KIF15: variants seen among roughly 807,000 people sequenced by gnomAD.
The protein encoded by KIF15 is kinesin-like protein KIF15.
In KIF15, 140 loss-of-function variants were observed where a neutral mutation model predicts 190.6. That is an observed-to-expected ratio of 0.73 (90% CI 0.64 to 0.84). The LOEUF (loss-of-function observed/expected upper bound fraction) is 0.84. Among genes scored for constraint, KIF15 ranks in the 40% least tolerant of loss-of-function variants. The pLI, the probability that KIF15 is intolerant of heterozygous loss-of-function variation, is 0.00. For missense variants in KIF15, 1,372 were observed against 1,584.4 expected (o/e 0.87, Z 2.28); for synonymous variants, 528 against 551.3 (o/e 0.96, Z 0.59).
At position 44,852,743 on chromosome 3, in the gene KIF15, G is replaced by T. The variant is rs775982989; in HGVS notation, c.*8G>T. ...AAAAGAAGTGAATCTTGAGGATTCC[G>T]GTCAGCTACCTAGGCATCACCTTGT... On this transcript the variant is annotated 3_prime_UTR_variant, in exon 35 of 35. Transcript: ENST00000326047. 1 of 1,589,972 alleles carries T rather than the reference G, an allele frequency of 6.3e-7. No homozygotes were observed. The highest frequency in any genetic ancestry group is 1.8e-5 in the Admixed American group (1 of 55,330).
chr3:44,852,719 A>C lies in KIF15; in HGVS notation c.4151A>C (p.Lys1384Thr). Reference sequence around the variant, plus strand: ...GAAAATGTATTTTTAAAAGAAAAGAAAAGAAGTGAATCTTGAGGATTCCGG... The same window carrying C: ...GAAAATGTATTTTTAAAAGAAAAGACAAGAAGTGAATCTTGAGGATTCCGG... ...RAENVFLKEK[K>T]RSES The change falls in exon 35 of 35, where the codon AAA becomes ACA. Residue 1384 changes from lysine to threonine, a missense_variant. By Grantham distance (78) the Lys-to-Thr change is moderately conservative. Coordinates refer to ENST00000326047, the MANE Select transcript of KIF15 (RefSeq NM_020242.3). The C allele has an allele frequency of 6.2e-7, 1 of 1,601,686 alleles. No homozygotes were observed. Among genetic ancestry groups the C allele is most frequent in the African/African-American group, 1.3e-5 (1 of 74,114 alleles).
chr3:44,792,450 G>A (rs1706751823), intron 7 of KIF15, among the ~76,000 whole-genome samples: 1 of 151,848 alleles, frequency 6.6e-6, no homozygotes. Flanking sequence ...CTCCAGCCTG[G>A]GTAACAAAGT....
intron 32 of KIF15, among the ~76,000 whole-genome samples, chr3:44,849,714 A>ACAATAAAAT (rs1262461236): frequency 1.3e-5 from 2 of 152,092 alleles, no homozygotes; most frequent in Admixed American, 6.5e-5. Context: ...ATACTACTTA[A>ACAATAAAAT]CAATAAAATA....
chr3:44,862,068 G>A, intron 6 of KIF15: 1 of 1,314,350 alleles, frequency 7.6e-7, no homozygotes, highest in South Asian at 2.5e-5. Context: ...GCGCCGGCGC[G>A]TTCGGGGCCC....
At chr3:44,772,361 C>T (rs1705680659) in intron 1 of KIF15, among the ~76,000 whole-genome samples, 1 of 152,126 alleles carries the variant, frequency 6.6e-6, no homozygotes. Flanking sequence ...AAATGGAATC[C>T]ATGGAGACTT....
At chr3:44,844,199 C>G (rs1277904210) in intron 30 of KIF15, among the ~76,000 whole-genome samples, 1 of 150,030 alleles carries the variant, frequency 6.7e-6, no homozygotes, top group Non-Finnish European at 1.5e-5. Context: ...TCCAGAAACA[C>G]CCCTGATATG....
intron 29 of KIF15, 55 bp downstream of exon 29, chr3:44,841,293 G>T: frequency 7.1e-7 from 1 of 1,407,634 alleles, no homozygotes; most frequent in Non-Finnish European, 9.7e-7. Context: ...ACCAAGTCTC[G>T]CTATGTTGCC....
rs1469585290 is a variant in KIF15, at chr3:44,813,110, G to A, written c.2313G>A (p.Gln771=). ...CAGAAAGAATTGATTGGACCAAACA[G>A]CAGGAAGAGCTTCTCTCACAGTTGA... ...FSSERIDWTK[Q]QEELLSQLNV... is the part of the protein sequence containing the mutation. The change falls in exon 19 of 35, where the codon CAG becomes CAA. Residue 771 remains glutamine (Q), a synonymous_variant. Transcript: ENST00000326047. The A allele has an allele frequency of 1.3e-6, 2 of 1,593,856 alleles. No individual in the cohort carries two copies. The highest frequency in any genetic ancestry group is 1.7e-6 in the Non-Finnish European group (2 of 1,174,186).
rs371067828 is a variant in KIF15 at position 44,776,990 on chromosome 3, ATTTTTTTTTT to A, written c.247-1113_247-1104del. Among the ~76,000 whole-genome samples the A allele has an allele frequency of 4.2e-4, 49 of 116,856 alleles. 1 individual carries two copies. The highest frequency in any genetic ancestry group is 7.4e-4 in the Non-Finnish European group (44 of 59,358). The allele number at this position is 116,856 out of a possible 152,430, so 76.7% of individuals were successfully genotyped here. A position where few individuals can be genotyped will look rare whatever the true frequency, so the allele number is the denominator to read the frequency against. ...ATGGCTACTATACTGAACATCACAG[ATTTTTTTTTT>A]TTTTTTTTTTTGTAAGAGATGGTGT... is the stretch of plus-strand genomic sequence containing the variant. On this transcript the variant is annotated intron_variant, in intron 3 of 34. Coordinates refer to ENST00000326047, the MANE Select transcript of KIF15 (RefSeq NM_020242.3).
In KIF15 at chr3:44,761,876, G is replaced by A. The variant is rs149795138; in HGVS notation, c.11G>A (p.Gly4Asp). 9 of 1,614,074 alleles carry A rather than the reference G, an allele frequency of 5.6e-6. No homozygotes were observed. Among genetic ancestry groups the A allele is most frequent in the Non-Finnish European group, 7.6e-6 (9 of 1,180,038 alleles). The change falls in exon 1 of 35, where the codon GGC (glycine) becomes GAC (aspartate). Residue 4 changes from glycine (G) to aspartate (D), a missense_variant. Gly to Asp is a moderately conservative substitution (Grantham distance 94). Transcript: ENST00000326047. MAPGCKTELRSVTN... is the reference protein window; with the variant it reads MAPDCKTELRSVTN... ...AGGGGTGAGGGCGCTATGGCACCCGGCTGCAAAAGTAAGTCTGGGCCCCCG... is the reference window on the plus strand; with the variant it reads ...AGGGGTGAGGGCGCTATGGCACCCGACTGCAAAAGTAAGTCTGGGCCCCCG...
chr3:44,796,349 ACT>A (rs920187650), intron 8 of KIF15, among the ~76,000 whole-genome samples: 1 of 152,052 alleles, frequency 6.6e-6, no homozygotes, highest in Non-Finnish European at 1.5e-5. Context: ...ACAGAGTGAG[ACT>A]CTGTGTCAAA....
At position 44,802,677 on chromosome 3, in the gene KIF15, G is replaced by A. The variant is rs998920969; in HGVS notation, c.1510-137G>A. The A allele has an allele frequency of 5.4e-6, 4 of 744,864 alleles. No individual in the cohort carries two copies. In the African/African-American group the frequency reaches 7.2e-5, roughly 13 times the overall value. The allele number at this position is 744,864 out of a possible 1,614,324, so 46.1% of individuals were successfully genotyped here. A position where few individuals can be genotyped will look rare whatever the true frequency, so the allele number is the denominator to read the frequency against. On this transcript the variant is annotated intron_variant, in intron 13 of 34. Transcript: ENST00000326047. ...TCAAACTGATCACAAATGCCAAGTT[G>A]CTTTCCATGGTGGTTGCAGAAGGGT...
At chr3:44,818,671 C>T (rs1433948242) in intron 20 of KIF15, among the ~76,000 whole-genome samples, 1 of 152,120 alleles carries the variant, frequency 6.6e-6, no homozygotes, top group East Asian at 1.9e-4. Context: ...ATTTTTGCAT[C>T]GATGTTCATC....
At chr3:44,813,031 A>G in intron 18 of KIF15, 44 bp from the exon 19 acceptor site, 1 of 1,155,228 alleles carries the variant, frequency 8.7e-7, no homozygotes, top group Non-Finnish European at 1.2e-6. Context: ...GCATCTTAGC[A>G]TGCCAGTATT....
intron 26 of KIF15, 128 bp from the exon 27 acceptor site, chr3:44,838,147 A>G: frequency 1.1e-6 from 1 of 891,694 alleles, no homozygotes; most frequent in Non-Finnish European, 1.7e-6. Flanking sequence ...ATGGATTAGC[A>G]CACAAGCAAA....
intron 7 of KIF15, among the ~76,000 whole-genome samples, chr3:44,791,540 T>C (rs186662495): frequency 1.3e-3 from 194 of 152,322 alleles, no homozygotes; most frequent in African/African-American, 4.5e-3. Context: ...CTATCAATTA[T>C]TTTTGGTAGA....
intron 4 of KIF15, 60 bp from the exon 5 acceptor site, chr3:44,780,825 A>G (rs1706127025): frequency 9.0e-7 from 1 of 1,112,210 alleles, no homozygotes; most frequent in Non-Finnish European, 1.3e-6. Flanking sequence ...TAGTATTATA[A>G]TAGGAGGAGT....
intron 7 of KIF15, among the ~76,000 whole-genome samples, chr3:44,790,614 T>G (rs1706640277): frequency 6.6e-6 from 1 of 152,084 alleles, no homozygotes; most frequent in Non-Finnish European, 1.5e-5. Flanking sequence ...CAAATCTGTT[T>G]TGTCTGATGT....
intron 29 of KIF15, among the ~76,000 whole-genome samples, chr3:44,842,713 CT>C (rs1698664136): frequency 6.6e-6 from 1 of 152,116 alleles, no homozygotes; most frequent in African/African-American, 2.4e-5. Context: ...TTCCAGATAG[CT>C]ATGCTCATGA....
Sources: allele counts gnomAD v4.1 joint callset (sites outside exome capture counted in the v4.1 genomes callset), GRCh38; gene constraint gnomAD v4.1.1; transcripts MANE v1.5; gene names NCBI Gene and HGNC (gene_info 2026-07-23, HGNC 2026-07-21).